PCNX2: variants seen among roughly 807,000 people sequenced by gnomAD.
PCNX2 encodes pecanex-like protein 2.
A neutral mutation model predicts 223.8 loss-of-function variants in PCNX2; 168 were observed. That is an observed-to-expected ratio of 0.75 (90% confidence interval 0.66 to 0.85). PCNX2 has a LOEUF of 0.85. Ranked by LOEUF, PCNX2 falls within the 40% of genes least tolerant of loss-of-function variation. The pLI is 0.00. For synonymous variants in PCNX2, 1,006 were observed against 1,052.6 expected (o/e 0.96, Z 0.86); for missense variants, 2,507 against 2,675.5 (o/e 0.94, Z 1.39).
At chr1:233,267,272 GCAC>G (rs1558408711) in intron 1 of PCNX2, among the ~76,000 whole-genome samples, 7 of 123,644 alleles carry the variant, frequency 5.7e-5, no homozygotes, top group African/African-American at 1.8e-4. Flanking sequence ...AGCCAAGATC[GCAC>G]GCACCATTGC....
intron 8 of PCNX2, chr1:233,241,406 C>T (rs1658757541): frequency 1.0e-6 from 1 of 976,634 alleles, no homozygotes; most frequent in African/African-American, 1.8e-5. Flanking sequence ...CGTCCTTATG[C>T]CTCTATGCCT....
At chr1:233,315,430 A>C in the PCNX2 span, among the ~76,000 whole-genome samples, 1 of 152,204 alleles carries the variant, frequency 6.6e-6, no homozygotes, top group Non-Finnish European at 1.5e-5. Context: ...ATTACTTCTC[A>C]TTGTAGTCAT....
At chr1:233,211,656 G>T in intron 12 of PCNX2, 1 of 442,268 alleles carries the variant, frequency 2.3e-6, no homozygotes, top group Non-Finnish European at 3.0e-6. Context: ...AAAACAGCAT[G>T]GCAGAGTAAG....
At position 233,108,464 on chromosome 1, in the gene PCNX2, T is replaced by C. The variant is rs184705966; in HGVS notation, c.3838-12601A>G. Among the ~76,000 whole-genome samples the C allele has an allele frequency of 2.2e-3, 336 of 152,284 alleles. 1 individual carries two copies. Among genetic ancestry groups the C allele is most frequent in the Non-Finnish European group, 5.0e-4 (34 of 68,012 alleles). On this transcript the variant is annotated intron_variant, in intron 21 of 33. Coordinates refer to ENST00000258229, the MANE Select transcript of PCNX2 (RefSeq NM_014801.4). ...CTATGTGTGGGCTGGTGGGACAGTG[T>C]AAAGCCTTAGGGAGCCATAGAAATT...
At chr1:233,302,675 C>T in the PCNX2 span, among the ~76,000 whole-genome samples, 6 of 133,438 alleles carry the variant, frequency 4.5e-5, no homozygotes, top group Non-Finnish European at 9.9e-5. Context: ...TAAATCTATA[C>T]ATTTTCCTCT....
chr1:233,190,382 A>T (rs1422492845), intron 15 of PCNX2, among the ~76,000 whole-genome samples: 4 of 152,178 alleles, frequency 2.6e-5, no homozygotes, highest in Non-Finnish European at 5.9e-5. Context: ...AACCACATTC[A>T]TTCAATTCAC....
At chr1:233,006,269 T>C (rs1328381481) in intron 28 of PCNX2, among the ~76,000 whole-genome samples, 1 of 152,102 alleles carries the variant, frequency 6.6e-6, no homozygotes, top group African/African-American at 2.4e-5. Context: ...GTGTACTGCG[T>C]AGGCTGTAAC....
intron 33 of PCNX2, chr1:232,985,185 C>G (rs1372210319): frequency 1.3e-5 from 2 of 152,216 alleles, no homozygotes; most frequent in Non-Finnish European, 2.9e-5. Context: ...TCCTGTGGCT[C>G]CTTGTAGGGC....
intron 12 of PCNX2, among the ~76,000 whole-genome samples, chr1:233,216,381 A>C (rs547956791): frequency 6.6e-6 from 1 of 152,372 alleles, no homozygotes; most frequent in South Asian, 2.1e-4. Context: ...GAATTAGCTC[A>C]AAGTTACAGA....
intron 19 of PCNX2, among the ~76,000 whole-genome samples, chr1:233,157,218 G>A (rs1032472717): frequency 6.6e-6 from 1 of 152,104 alleles, no homozygotes; most frequent in African/African-American, 2.4e-5. Context: ...GCCACATTCA[G>A]TCTATACATG....
chr1:233,030,146 A>G (rs1671215394), intron 25 of PCNX2, among the ~76,000 whole-genome samples: 1 of 152,186 alleles, frequency 6.6e-6, no homozygotes, highest in Non-Finnish European at 1.5e-5. Flanking sequence ...CATTATTTGC[A>G]TCAGACTGGA....
At chr1:233,219,220 G>T (rs953763794) in intron 10 of PCNX2, among the ~76,000 whole-genome samples, 1 of 152,140 alleles carries the variant, frequency 6.6e-6, no homozygotes, top group Admixed American at 6.5e-5. Flanking sequence ...GGTAGAATAG[G>T]GAGGAAACTG....
chr1:233,066,685 C>T (rs567821472), intron 23 of PCNX2, among the ~76,000 whole-genome samples: 136 of 152,320 alleles, frequency 8.9e-4, no homozygotes, highest in African/African-American at 2.9e-3. Context: ...AAACCAAGCA[C>T]GGCCTGCTGG....
intron 21 of PCNX2, among the ~76,000 whole-genome samples, chr1:233,107,186 T>TAC (rs112899127): frequency 0.051 from 5,749 of 112,652 alleles, 123 homozygotes; most frequent in South Asian, 0.1. Flanking sequence ...ACATGTATTA[T>TAC]ACACACACAC....
chr1:233,309,337 T>TCA, the PCNX2 span, among the ~76,000 whole-genome samples: 2 of 151,204 alleles, frequency 1.3e-5, no homozygotes, highest in Non-Finnish European at 2.9e-5. Context: ...AGGTCAGGAG[T>TCA]TCAAGACCAG....
chr1:233,264,600 T>C (rs1280888613), intron 1 of PCNX2, among the ~76,000 whole-genome samples: 1 of 152,182 alleles, frequency 6.6e-6, no homozygotes, highest in African/African-American at 2.4e-5. Context: ...GCTCTTATTA[T>C]GTCATGGGGG....
At chr1:233,319,729 C>G in the PCNX2 span, among the ~76,000 whole-genome samples, 1 of 152,192 alleles carries the variant, frequency 6.6e-6, no homozygotes, top group African/African-American at 2.4e-5. Context: ...CTCAGGATCT[C>G]TTAATGTGCT....
At position 232,984,142 on chromosome 1, in the gene PCNX2, CCTG is replaced by C; in HGVS notation, c.*159_*161del. On this transcript the variant is annotated 3_prime_UTR_variant, in exon 34 of 34. Transcript: ENST00000258229. Reference sequence around the variant, plus strand: ...TTTTTTTTTTTTTTTTTTTCAAAAACCTGAGATCAGTTCTGTGTTCTGGAACAG... The same window carrying C: ...TTTTTTTTTTTTTTTTTTTCAAAAACAGATCAGTTCTGTGTTCTGGAACAG... The C allele has an allele frequency of 2.2e-5, 3 of 133,846 alleles. No homozygotes were observed. The highest frequency in any genetic ancestry group is 2.7e-5 in the Non-Finnish European group (2 of 73,424). 8.3% of individuals were successfully genotyped at this position (133,846 alleles called of 1,614,324 possible). A position where few individuals can be genotyped will look rare whatever the true frequency, so the allele number is the denominator to read the frequency against.
intron 32 of PCNX2, among the ~76,000 whole-genome samples, chr1:232,986,808 G>A (rs1669507593): frequency 6.6e-6 from 1 of 152,182 alleles, no homozygotes; most frequent in African/African-American, 2.4e-5. Flanking sequence ...CTGCAGCCAG[G>A]GTGACAGATC....
Sources: gnomAD v4.1 joint callset for allele counts (sites outside exome capture counted in the v4.1 genomes callset) on GRCh38, gnomAD v4.1.1 for gene constraint, MANE v1.5 for transcripts, NCBI Gene and HGNC (gene_info 2026-07-23, HGNC 2026-07-21) for gene names.